Variants in LGI3 observed in about 807,000 individuals in gnomAD.
The protein encoded by LGI3 is leucine-rich repeat LGI family member 3.
LGI3 carries 47 observed loss-of-function variants against 55.4 expected under a neutral mutation model. That is an observed-to-expected ratio of 0.85 (90% CI 0.67 to 1.08). The LOEUF is 1.08. LGI3 is among the 50% of genes least tolerant of loss of function. The pLI, the probability that LGI3 is intolerant of heterozygous loss-of-function variation, is 0.00. For synonymous variants in LGI3, 326 were observed against 315.0 expected, an observed-to-expected ratio of 1.04 and a Z score of -0.37; for missense variants, 664 against 726.3, an observed-to-expected ratio of 0.91 and a Z score of 0.99.
chr8:22,156,434 G>C lies in LGI3; in HGVS notation c.109C>G (p.Pro37Ala), dbSNP rs767530151. The change falls in exon 1 of 8, where the codon CCC becomes GCC. Residue 37 changes from proline (P) to alanine (A), a missense_variant. Coordinates refer to ENST00000306317, the MANE Select transcript of LGI3 (RefSeq NM_139278.4). ...QVSAKRPPKT[P>A]PCPPSCSCTR... is the part of the protein sequence containing the mutation. ...CAAGAGCAGCTGGGCGGGCAGGGGGGCGTCTTGGGGGGCCTCTTAGCGCTG... is the reference window on the plus strand; with the variant it reads ...CAAGAGCAGCTGGGCGGGCAGGGGGCCGTCTTGGGGGGCCTCTTAGCGCTG... 1.9e-6 allele frequency: 3 copies of C among 1,575,296 alleles called. No homozygotes were observed. The highest frequency in any genetic ancestry group is 1.4e-5 in the African/African-American group (1 of 72,582).
intron 1 of LGI3, 108 bp downstream of exon 1, chr8:22,156,229 G>C: frequency 8.2e-7 from 1 of 1,220,206 alleles, no homozygotes; most frequent in East Asian, 2.6e-5. Flanking sequence ...CAGTCCCCCT[G>C]GTCCCCGCAC....
chr8:22,150,881 G>A (rs1037678348), intron 7 of LGI3, among the ~76,000 whole-genome samples: 3 of 151,492 alleles, frequency 2.0e-5, no homozygotes, highest in South Asian at 2.1e-4. Flanking sequence ...TCAATATCTC[G>A]TTGCCACTCC....
At position 22,151,603 on chromosome 8, in the gene LGI3, A is replaced by G; in HGVS notation, c.715T>C (p.Phe239Leu). 6.2e-7 allele frequency: 1 copy of G among 1,614,152 alleles called. No homozygotes were observed. Among genetic ancestry groups the G allele is most frequent in the Non-Finnish European group, 8.5e-7 (1 of 1,180,020 alleles). Residue 239 changes from phenylalanine (F) to leucine (L), a missense_variant, in exon 7 of 8, where the codon TTC becomes CTC. Transcript: ENST00000306317. ...LAFPAVSAEP[F>L]LYSSDLYLAL... The stretch of plus-strand genomic sequence containing the variant: ...AAATAGAGGTCACTGGAGTAGAGGA[A>G]GGGCTCAGCCGACACTGCTGGGAAG...
At chr8:22,155,186 C>G in intron 2 of LGI3, 1 of 593,466 alleles carries the variant, frequency 1.7e-6, no homozygotes, top group Non-Finnish European at 3.0e-6. Context: ...TCTGTGCCAT[C>G]CCTAGCTGTC....
chr8:22,150,087 C>G (rs1186645713), intron 7 of LGI3, among the ~76,000 whole-genome samples: 1 of 152,154 alleles, frequency 6.6e-6, no homozygotes, highest in Non-Finnish European at 1.5e-5. Flanking sequence ...CCTTTGTCTC[C>G]TCCACTCACC....
chr8:22,152,959 A>C (rs567058128), intron 5 of LGI3, among the ~76,000 whole-genome samples: 9 of 151,014 alleles, frequency 6.0e-5, no homozygotes, highest in Non-Finnish European at 1.0e-4. Flanking sequence ...CTGAGGCAGG[A>C]GAATTGCTTG....
At position 22,148,361 on chromosome 8, in the gene LGI3, T is replaced by TG; in HGVS notation, c.1445dup (p.Leu483ThrfsTer4). ...GGGTGAAGGAGAAATCACTGCCCAGTGCCAGGTAGCGGCGGCCACCCACAA... is the reference window on the plus strand; with the variant it reads ...GGGTGAAGGAGAAATCACTGCCCAGTGGCCAGGTAGCGGCGGCCACCCACAA... On this transcript the variant is annotated frameshift_variant, in exon 8 of 8. Coordinates refer to ENST00000306317, the MANE Select transcript of LGI3 (RefSeq NM_139278.4). LOFTEE classifies it high-confidence loss of function. The surrounding 1 kb of genome is among the most constrained non-coding windows in gnomAD (Gnocchi z 7.0). The TG allele has an allele frequency of 2.5e-6, 4 of 1,613,720 alleles. No homozygotes were observed. Among genetic ancestry groups the TG allele is most frequent in the Non-Finnish European group, 3.4e-6 (4 of 1,179,902 alleles).
rs1827329343 is a variant in LGI3 at position 22,148,145 on chromosome 8, A to G, written c.*15T>C. The G allele has an allele frequency of 6.4e-7, 1 of 1,562,578 alleles. No individual in the cohort carries two copies. Among genetic ancestry groups the G allele is most frequent in the African/African-American group, 1.4e-5 (1 of 73,292 alleles). ...CCAGTGGCCACCCTGAGGAGACCAGAGGCCTCGGCACCCCCTAGGCACTGA... is the reference window on the plus strand; with the variant it reads ...CCAGTGGCCACCCTGAGGAGACCAGGGGCCTCGGCACCCCCTAGGCACTGA... On this transcript the variant is annotated 3_prime_UTR_variant, in exon 8 of 8. Transcript: ENST00000306317. The surrounding 1 kb of genome is among the most constrained non-coding windows in gnomAD (Gnocchi z 7.0).
At position 22,148,880 on chromosome 8, in the gene LGI3, A is replaced by C. The variant is rs755144444; in HGVS notation, c.927T>G (p.Asp309Glu). ...LFGGSYIYHW[D>E]PNTTRFTRLQ... ...GCCTGGTGAAGCGCGTGGTGTTGGG[A>C]TCCCAGTGGTAAATGTAAGAGCCGC... Residue 309 changes from aspartate (D) to glutamate (E), a missense_variant, in exon 8 of 8, where the codon GAT becomes GAG. Coordinates refer to ENST00000306317, the MANE Select transcript of LGI3 (RefSeq NM_139278.4). The surrounding 1 kb of genome is among the most constrained non-coding windows in gnomAD (Gnocchi z 7.0). 1.2e-6 allele frequency: 2 copies of C among 1,614,000 alleles called. No individual in the cohort carries two copies. The highest frequency in any genetic ancestry group is 2.7e-5 in the African/African-American group (2 of 74,904).
intron 5 of LGI3, among the ~76,000 whole-genome samples, chr8:22,152,740 CAAA>C (rs558087211): frequency 3.0e-5 from 2 of 66,536 alleles, no homozygotes; most frequent in Non-Finnish European, 3.1e-5. Flanking sequence ...GACTCCGTCT[CAAA>C]AAAAAAAAAA....
intron 7 of LGI3, among the ~76,000 whole-genome samples, chr8:22,150,097 C>G (rs1827357950): frequency 1.3e-5 from 2 of 152,142 alleles, no homozygotes; most frequent in African/African-American, 4.8e-5. Context: ...CTCCACTCAC[C>G]CTTCCCTGAT....
intron 7 of LGI3, among the ~76,000 whole-genome samples, chr8:22,150,909 C>T (rs993534001): frequency 2.0e-5 from 3 of 151,976 alleles, no homozygotes; most frequent in South Asian, 2.1e-4. Context: ...GAACCTTATC[C>T]CTTTTCATAC....
chr8:22,151,674 T>G, intron 6 of LGI3, 21 bp from the exon 7 acceptor site: 6 of 1,611,862 alleles, frequency 3.7e-6, no homozygotes, highest in Non-Finnish European at 5.1e-6. Flanking sequence ...AGAGGTGCGT[T>G]ACTGAAGACC....
intron 7 of LGI3, 127 bp from the exon 8 acceptor site, chr8:22,149,104 C>A: frequency 1.6e-6 from 1 of 639,010 alleles, no homozygotes; most frequent in Admixed American, 3.0e-5. Context: ...TACCATTCCA[C>A]CCACACTGAA....
At chr8:22,153,562 C>T (rs1294480405) in intron 5 of LGI3, among the ~76,000 whole-genome samples, 6 of 151,936 alleles carry the variant, frequency 3.9e-5, no homozygotes, top group African/African-American at 7.2e-5. Context: ...ATTAGCCGGG[C>T]GTGGTGGCGC....
rs760276211 is a variant in LGI3, at chr8:22,154,020, G to T, written c.442C>A (p.Leu148Met). ...AAGATGTCTCTGGGCAGTGTCTGCA[G>T]GTTATTGTTGGCCAGCGAGCTGCAA... is the stretch of plus-strand genomic sequence containing the variant. ...LTHLSLANNN[L>M]QTLPRDIFRP... The change falls in exon 5 of 8, where the codon CTG becomes ATG. Residue 148 changes from leucine to methionine, a missense_variant. Coordinates refer to ENST00000306317, the MANE Select transcript of LGI3 (RefSeq NM_139278.4). The T allele has an allele frequency of 1.4e-5, 22 of 1,614,102 alleles. No individual in the cohort carries two copies. The highest frequency in any genetic ancestry group is 1.9e-5 in the Non-Finnish European group (22 of 1,180,046).
rs1827312452 is a variant in LGI3 at position 22,147,150 on chromosome 8, C to G, written c.*1010G>C. 1 of 152,480 alleles carries G rather than the reference C, an allele frequency of 6.6e-6. No homozygotes were observed. The highest frequency in any genetic ancestry group is 1.5e-5 in the Non-Finnish European group (1 of 68,250). The allele number at this position is 152,480 out of a possible 1,614,324, so 9.4% of individuals were successfully genotyped here. A position where few individuals can be genotyped will look rare whatever the true frequency, so the allele number is the denominator to read the frequency against. ...ACTCAGGTGCTTGCAGCTCGGCCAG[C>G]TCTCTAATCCACCCAAGGAGCCCGC... is the stretch of plus-strand genomic sequence containing the variant. On this transcript the variant is annotated 3_prime_UTR_variant, in exon 8 of 8. Coordinates refer to ENST00000306317, the MANE Select transcript of LGI3 (RefSeq NM_139278.4).
At position 22,151,506 on chromosome 8, in the gene LGI3, T is replaced by C. The variant is rs1222158049; in HGVS notation, c.812A>G (p.Asp271Gly). The change falls in exon 7 of 8, where the codon GAC becomes GGC. Residue 271 changes from aspartate to glycine, a missense_variant. Physicochemically the swap from Asp to Gly is moderately conservative, Grantham distance 94. Coordinates refer to ENST00000306317, the MANE Select transcript of LGI3 (RefSeq NM_139278.4). ...KWDYVERQLR[D>G]YDRIPAPSAV... ...GCAGGTACCTGGGATTCTATCATAG[T>C]CTCGAAGCTGCCGCTCAACATAGTC... 1 of 1,613,974 alleles carries C rather than the reference T, an allele frequency of 6.2e-7. No homozygotes were observed. The highest frequency in any genetic ancestry group is 8.5e-7 in the Non-Finnish European group (1 of 1,179,986).
In LGI3 at chr8:22,148,090, G is replaced by A. The variant is rs138833522; in HGVS notation, c.*70C>T. On this transcript the variant is annotated 3_prime_UTR_variant, in exon 8 of 8. Transcript: ENST00000306317. The surrounding 1 kb of genome is among the most constrained non-coding windows in gnomAD (Gnocchi z 7.0). ...GTCGCTTGTCTTCACACAGGCATAC[G>A]TGGTGCTCACAGAGGCCCCCACCCA... is the stretch of plus-strand genomic sequence containing the variant. 3.6e-4 allele frequency: 474 copies of A among 1,299,626 alleles called. 2 individuals carry two copies. Among genetic ancestry groups the A allele is most frequent in the Middle Eastern group, 3.6e-3 (13 of 3,636 alleles). 80.5% of individuals were successfully genotyped at this position (1,299,626 alleles called of 1,614,324 possible).
Sources: gnomAD v4.1 joint callset for allele counts (sites outside exome capture counted in the v4.1 genomes callset) on GRCh38, gnomAD v4.1.1 for gene constraint, Gnocchi (gnomAD v3.1) non-coding constraint, MANE v1.5 for transcripts, NCBI Gene and HGNC (gene_info 2026-07-23, HGNC 2026-07-21) for gene names.